RIT2: variants seen among roughly 807,000 people sequenced by gnomAD.
RIT2 encodes the protein GTP-binding protein Rit2.
RIT2 carries 24 observed loss-of-function variants against 23.7 expected under a neutral mutation model. The ratio of observed to expected loss-of-function variants is 1.01; its 90% CI spans 0.73 to 1.43. RIT2 has a LOEUF of 1.43. Ranked by LOEUF, RIT2 falls within the 40% of genes most tolerant of loss-of-function variation. The pLI is 0.00. For missense variants in RIT2, 236 were observed against 266.9 expected, an observed-to-expected ratio of 0.88 and a Z score of 0.81; for synonymous variants, 107 against 91.1, an observed-to-expected ratio of 1.17 and a Z score of -0.99.
At chr18:43,046,642 G>T (rs978866029) in intron 1 of RIT2, among the ~76,000 whole-genome samples, 1 of 152,152 alleles carries the variant, frequency 6.6e-6, no homozygotes, top group African/African-American at 2.4e-5. Context: ...ATTCTGTCTA[G>T]AGCAGTGGTT....
intron 1 of RIT2, among the ~76,000 whole-genome samples, chr18:43,077,562 G>A (rs1429297313): frequency 6.6e-6 from 1 of 152,130 alleles, no homozygotes; most frequent in Non-Finnish European, 1.5e-5. Context: ...TGAGAATCCT[G>A]TAACACCAGG....
intron 3 of RIT2, among the ~76,000 whole-genome samples, chr18:42,951,483 T>C (rs1286247898): frequency 1.3e-5 from 2 of 151,976 alleles, no homozygotes; most frequent in Non-Finnish European, 2.9e-5. Context: ...TGCTATTCTC[T>C]GTACCTGGGC....
At chr18:42,839,643 T>C (rs1387006760) in intron 4 of RIT2, among the ~76,000 whole-genome samples, 1 of 152,222 alleles carries the variant, frequency 6.6e-6, no homozygotes, top group Non-Finnish European at 1.5e-5. Context: ...CATCATGTCA[T>C]TATCACTGTA....
At chr18:42,927,092 A>C (rs1909198515) in intron 3 of RIT2, among the ~76,000 whole-genome samples, 1 of 152,022 alleles carries the variant, frequency 6.6e-6, no homozygotes, top group South Asian at 2.1e-4. Flanking sequence ...CAAGCCTATT[A>C]TTATCTCTGG....
At chr18:42,983,270 C>A (rs753959337) in intron 2 of RIT2, among the ~76,000 whole-genome samples, 1 of 151,990 alleles carries the variant, frequency 6.6e-6, no homozygotes. Context: ...AAAAAATAAG[C>A]GTTTTTAACC....
chr18:42,751,514 C>T (rs567407333), intron 4 of RIT2, among the ~76,000 whole-genome samples: 2 of 151,936 alleles, frequency 1.3e-5, no homozygotes, highest in Non-Finnish European at 2.9e-5. Flanking sequence ...AATTAGTAAA[C>T]AAATCCCATG....
intron 4 of RIT2, among the ~76,000 whole-genome samples, chr18:42,797,090 GA>G (rs1245349718): frequency 6.6e-6 from 1 of 152,132 alleles, no homozygotes; most frequent in African/African-American, 2.4e-5. Context: ...AGTATCTACA[GA>G]GAGCATCTAT....
intron 2 of RIT2, among the ~76,000 whole-genome samples, chr18:42,982,097 T>C (rs1261924659): frequency 6.6e-6 from 1 of 152,152 alleles, no homozygotes; most frequent in Non-Finnish European, 1.5e-5. Flanking sequence ...AAAAAGGACT[T>C]CTCTTCATTG....
In RIT2 at chr18:43,115,093, T is replaced by C. The variant is rs556246786; in HGVS notation, c.103+324A>G. Reference sequence around the variant, plus strand: ...AGATTTTTGAGACTAGGAGCACATTTTTCTCATACCATGACAATTTCATAC... The same window carrying C: ...AGATTTTTGAGACTAGGAGCACATTCTTCTCATACCATGACAATTTCATAC... On this transcript the variant is annotated intron_variant, in intron 1 of 4. Transcript: ENST00000326695. 1.4e-4 allele frequency among the ~76,000 whole-genome samples: 22 copies of C among 152,310 alleles called. No individual in the cohort carries two copies. The East Asian group carries it at 4.2e-3, about 29-fold the overall frequency.
At chr18:42,927,290 G>C (rs1187441134) in intron 3 of RIT2, among the ~76,000 whole-genome samples, 1 of 151,568 alleles carries the variant, frequency 6.6e-6, no homozygotes, top group Non-Finnish European at 1.5e-5. Flanking sequence ...CATAATGAAT[G>C]TGGAGGATAT....
At chr18:43,110,218 T>C (rs944451680) in intron 1 of RIT2, among the ~76,000 whole-genome samples, 1 of 151,694 alleles carries the variant, frequency 6.6e-6, no homozygotes. Flanking sequence ...TGTATGCCTG[T>C]ATACGAATAT....
Position 43,109,189 on chromosome 18 carries a change from C to T in RIT2, c.103+6228G>A, listed in dbSNP as rs147229792. Reference sequence around the variant, plus strand: ...ATCCTGCTACATGAAACTGAATTTGCAGAGGCAACAAACTGCACATGGCCG... The same window carrying T: ...ATCCTGCTACATGAAACTGAATTTGTAGAGGCAACAAACTGCACATGGCCG... On this transcript the variant is annotated intron_variant, in intron 1 of 4. Coordinates refer to ENST00000326695, the MANE Select transcript of RIT2 (RefSeq NM_002930.4). 3.3e-3 allele frequency among the ~76,000 whole-genome samples: 506 copies of T among 152,322 alleles called. 2 individuals carry two copies. Among genetic ancestry groups the T allele is most frequent in the African/African-American group, 0.012 (486 of 41,568 alleles).
At position 43,036,549 on chromosome 18, in the gene RIT2, C is replaced by G. The variant is rs551467349; in HGVS notation, c.104-2682G>C. 2.6e-5 allele frequency among the ~76,000 whole-genome samples: 4 copies of G among 151,888 alleles called. No individual in the cohort carries two copies. The East Asian group carries it at 7.8e-4, about 30-fold the overall frequency. ...AGCCAGACTCCATCCCCCGCTACCT[C>G]CCCCCGCCAGCCTGCCCCGCAAAAA... On this transcript the variant is annotated intron_variant, in intron 1 of 4. Coordinates refer to ENST00000326695, the MANE Select transcript of RIT2 (RefSeq NM_002930.4).
chr18:42,968,234 G>A (rs1910283901), intron 3 of RIT2, among the ~76,000 whole-genome samples: 1 of 152,098 alleles, frequency 6.6e-6, no homozygotes, highest in African/African-American at 2.4e-5. Flanking sequence ...CCACTGTACT[G>A]GAGGAGAGCT....
At chr18:42,774,052 C>CTGATG (rs1384039517) in intron 4 of RIT2, among the ~76,000 whole-genome samples, 1 of 152,126 alleles carries the variant, frequency 6.6e-6, no homozygotes, top group Admixed American at 6.5e-5. Flanking sequence ...CTGTGAAAAG[C>CTGATG]AATTCATCAG....
chr18:42,828,089 A>G (rs1490946009), intron 4 of RIT2, among the ~76,000 whole-genome samples: 1 of 152,112 alleles, frequency 6.6e-6, no homozygotes, highest in Non-Finnish European at 1.5e-5. Context: ...ATTGGAAAAC[A>G]AAAGGAAGAA....
chr18:43,073,889 TTAAA>T (rs533807189), intron 1 of RIT2, among the ~76,000 whole-genome samples: 1 of 152,036 alleles, frequency 6.6e-6, no homozygotes, highest in Non-Finnish European at 1.5e-5. Context: ...AGGTAGCAGT[TTAAA>T]TGGGTGTGAA....
At chr18:42,777,060 C>A (rs1913688659) in intron 4 of RIT2, among the ~76,000 whole-genome samples, 1 of 151,976 alleles carries the variant, frequency 6.6e-6, no homozygotes, top group African/African-American at 2.4e-5. Context: ...TCCCAGATTG[C>A]ATGTGGGTTT....
chr18:42,747,434 G>A lies in RIT2; in HGVS notation c.427-3714C>T, dbSNP rs1025465227. Reference sequence around the variant, plus strand: ...ACAAATGAAAACACATCCCATGCTCGTGGATGGGTAGAATCAATACTGTGA... The same window carrying A: ...ACAAATGAAAACACATCCCATGCTCATGGATGGGTAGAATCAATACTGTGA... On this transcript the variant is annotated intron_variant, in intron 4 of 4. Transcript: ENST00000326695. Among the ~76,000 whole-genome samples the A allele has an allele frequency of 2.0e-5, 3 of 152,012 alleles. No homozygotes were observed. In the East Asian group the frequency reaches 5.8e-4, roughly 29 times the overall value.
Sources: allele counts gnomAD v4.1 joint callset (sites outside exome capture counted in the v4.1 genomes callset), GRCh38; gene constraint gnomAD v4.1.1; transcripts MANE v1.5; gene names NCBI Gene and HGNC (gene_info 2026-07-23, HGNC 2026-07-21).